Variants in SDK1 observed in about 807,000 individuals in gnomAD.
SDK1 encodes the protein sidekick cell adhesion molecule 1, also known as protein sidekick-1.
SDK1 carries 157 observed loss-of-function variants against 245.5 expected under a neutral mutation model. The ratio of observed to expected loss-of-function variants is 0.64; its 90% CI spans 0.56 to 0.73. The LOEUF (loss-of-function observed/expected upper bound fraction) is 0.73, where lower values mean the gene tolerates loss of function less well. Ranked by LOEUF, SDK1 falls within the 30% of genes least tolerant of loss-of-function variation. SDK1 has a pLI of 0.00. For missense variants in SDK1, 3,583 were observed against 3,002.3 expected (o/e 1.19, Z -4.52); for synonymous variants, 1,647 against 1,278.5 (o/e 1.29, Z -6.15).
intron 4 of SDK1, among the ~76,000 whole-genome samples, chr7:3,735,634 C>T (rs1046219606): frequency 1.3e-5 from 2 of 152,178 alleles, no homozygotes; most frequent in Admixed American, 6.5e-5. Context: ...CGTGGGTGTA[C>T]AAGTATCTCT....
At chr7:3,797,455 GTA>G (rs1300090592) in intron 4 of SDK1, among the ~76,000 whole-genome samples, 3 of 90,490 alleles carry the variant, frequency 3.3e-5, no homozygotes, top group Admixed American at 1.3e-4. Flanking sequence ...AGAGGGGTGT[GTA>G]TACACACACA....
intron 4 of SDK1, among the ~76,000 whole-genome samples, chr7:3,701,616 TAA>T (rs1784741697): frequency 6.6e-6 from 1 of 152,076 alleles, no homozygotes; most frequent in South Asian, 2.1e-4. Flanking sequence ...CCCAAAAATA[TAA>T]AAGATTATTC....
chr7:3,672,794 T>A (rs67033910), intron 4 of SDK1, among the ~76,000 whole-genome samples: 4,131 of 65,484 alleles, frequency 0.063, 265 homozygotes, highest in Non-Finnish European at 0.095. Context: ...TATATATATA[T>A]AAAAAATACA....
rs1788527022 is a variant in SDK1, at chr7:4,267,272, T to C, written c.*1888T>C. ...TCCCTCCCTCCCTCCTTCCCTCCCTTCCTTCCTCTCTTTCCTCCTTCCTTC... is the reference window on the plus strand; with the variant it reads ...TCCCTCCCTCCCTCCTTCCCTCCCTCCCTTCCTCTCTTTCCTCCTTCCTTC... On this transcript the variant is annotated 3_prime_UTR_variant, in exon 45 of 45. Transcript: ENST00000404826. 9.6e-6 allele frequency: 5 copies of C among 519,446 alleles called. No homozygotes were observed. Among genetic ancestry groups the C allele is most frequent in the Non-Finnish European group, 1.2e-5 (5 of 411,178 alleles). 32.2% of individuals were successfully genotyped at this position (519,446 alleles called of 1,614,324 possible).
intron 2 of SDK1, among the ~76,000 whole-genome samples, chr7:3,620,443 C>G (rs75983439): frequency 0.021 from 3,214 of 152,130 alleles, 124 homozygotes; most frequent in African/African-American, 0.073. Flanking sequence ...GCTGGTTCTA[C>G]AGGCGTGAGC....
intron 35 of SDK1, among the ~76,000 whole-genome samples, chr7:4,193,858 C>T (rs1783381144): frequency 6.6e-6 from 1 of 152,156 alleles, no homozygotes. Flanking sequence ...AACCAACCAG[C>T]TTCATTATGT....
chr7:3,857,608 G>A (rs1780578717), intron 5 of SDK1, among the ~76,000 whole-genome samples: 1 of 151,778 alleles, frequency 6.6e-6, no homozygotes, highest in Non-Finnish European at 1.5e-5. Flanking sequence ...GATTGCTTGA[G>A]GCCAGAAGGT....
chr7:3,463,806 C>G (rs765935103), intron 1 of SDK1, among the ~76,000 whole-genome samples: 2 of 152,112 alleles, frequency 1.3e-5, no homozygotes, highest in Non-Finnish European at 2.9e-5. Context: ...AACATGTTCC[C>G]TCCAGGACAG....
intron 1 of SDK1, among the ~76,000 whole-genome samples, chr7:3,459,529 A>G (rs1309847891): frequency 6.6e-6 from 1 of 152,156 alleles, no homozygotes; most frequent in Non-Finnish European, 1.5e-5. Flanking sequence ...TTTGCCTTAT[A>G]GTTGAAGCAT....
chr7:3,540,558 G>C (rs1321118941), intron 1 of SDK1, among the ~76,000 whole-genome samples: 1 of 152,192 alleles, frequency 6.6e-6, no homozygotes, highest in African/African-American at 2.4e-5. Context: ...TTTAAGGAAG[G>C]CTGGTCAAGG....
chr7:4,017,889 A>T (rs923129640), intron 17 of SDK1, among the ~76,000 whole-genome samples: 1 of 152,238 alleles, frequency 6.6e-6, no homozygotes, highest in African/African-American at 2.4e-5. Context: ...TTGACCAGAC[A>T]TAAACGTCAT....
chr7:4,185,610 T>C (rs763318918), intron 35 of SDK1, among the ~76,000 whole-genome samples: 1 of 152,116 alleles, frequency 6.6e-6, no homozygotes, highest in Non-Finnish European at 1.5e-5. Flanking sequence ...AGCCCTTGGA[T>C]GGGGCAGCTG....
intron 35 of SDK1, among the ~76,000 whole-genome samples, chr7:4,180,037 G>A (rs894328263): frequency 6.6e-6 from 1 of 152,074 alleles, no homozygotes; most frequent in Non-Finnish European, 1.5e-5. Flanking sequence ...TGAGACCGAG[G>A]CAGACGTCCA....
chr7:4,241,681 G>A (rs1786527938), intron 42 of SDK1, 112 bp from the exon 43 acceptor site: 1 of 1,347,088 alleles, frequency 7.4e-7, no homozygotes, highest in Non-Finnish European at 1.0e-6. Context: ...TCAGCTCTGG[G>A]CTCTGCGTGC....
chr7:3,351,845 G>A lies in SDK1; in HGVS notation c.298+49961G>A, dbSNP rs79437600. Among the ~76,000 whole-genome samples the A allele has an allele frequency of 4.6e-4, 70 of 152,218 alleles. 1 individual carries two copies. In the East Asian group the frequency reaches 0.011, roughly 23 times the overall value. The stretch of plus-strand genomic sequence containing the variant: ...TACAACTTGCAGACAGAAATCTTAG[G>A]ATATGGAAGACTTAAAGAACATGAT... On this transcript the variant is annotated intron_variant, in intron 1 of 44. Transcript: ENST00000404826.
intron 1 of SDK1, among the ~76,000 whole-genome samples, chr7:3,464,874 T>A (rs1434359593): frequency 6.6e-6 from 1 of 152,156 alleles, no homozygotes; most frequent in Admixed American, 6.5e-5. Context: ...CATGTTAAAT[T>A]TGTCCTTGGG....
intron 28 of SDK1, among the ~76,000 whole-genome samples, chr7:4,133,455 G>C (rs1466218503): frequency 2.0e-5 from 3 of 152,208 alleles, no homozygotes; most frequent in Non-Finnish European, 4.4e-5. Context: ...TGAGAGTACA[G>C]TGAGATAAGC....
intron 1 of SDK1, among the ~76,000 whole-genome samples, chr7:3,414,423 C>T (rs930669463): frequency 6.6e-5 from 10 of 152,118 alleles, no homozygotes; most frequent in Admixed American, 3.3e-4. Flanking sequence ...GCAGAGCATC[C>T]AGCGAAGGTG....
chr7:3,897,935 T>C (rs1209357855), intron 5 of SDK1, among the ~76,000 whole-genome samples: 1 of 152,182 alleles, frequency 6.6e-6, no homozygotes, highest in African/African-American at 2.4e-5. Flanking sequence ...CTCACTCTTT[T>C]CTTCTCCTTT....
Sources: gnomAD v4.1 joint callset for allele counts (sites outside exome capture counted in the v4.1 genomes callset) on GRCh38, gnomAD v4.1.1 for gene constraint, MANE v1.5 for transcripts, NCBI Gene and HGNC (gene_info 2026-07-23, HGNC 2026-07-21) for gene names.